The following RALGAPB variants were observed in gnomAD, a reference collection of about 807,000 sequenced individuals.
The protein encoded by RALGAPB is Ral GTPase activating protein non-catalytic subunit beta.
RALGAPB carries 25 observed loss-of-function variants against 161.1 expected under a neutral mutation model. That is an observed-to-expected ratio of 0.16 (90% CI 0.11 to 0.22). RALGAPB has a LOEUF of 0.22. Among genes scored for constraint, RALGAPB ranks in the 10% least tolerant of loss-of-function variants. RALGAPB has a pLI of 1.00. For synonymous variants in RALGAPB, 629 were observed against 626.1 expected, an observed-to-expected ratio of 1.00 and a Z score of -0.07; for missense variants, 1,391 against 1,815.2, an observed-to-expected ratio of 0.77 and a Z score of 4.25.
At position 38,548,744 on chromosome 20, in the gene RALGAPB, T is replaced by C. The variant is rs1339573659; in HGVS notation, c.2958T>C (p.Ala986=). The change falls in exon 20 of 30, where the codon GCT becomes GCC. Residue 986 remains alanine (A), a synonymous_variant. Coordinates refer to ENST00000262879, the MANE Select transcript of RALGAPB (RefSeq NM_020336.4). ...TCCGGGGAATGTCTGGAAGACTTGC[T>C]TGGGCACAACAGCTTTGTCTTTTAC... ...VLVRGMSGRL[A]WAQQLCLLPR... is the part of the protein sequence containing the mutation. 29 of 1,613,968 alleles carry C rather than the reference T, an allele frequency of 1.8e-5. No homozygotes were observed. In the Admixed American group the frequency reaches 4.8e-4, roughly 27 times the overall value.
At chr20:38,477,518 CTTTTTTGCCAGCTTTAT>C (rs1195000375) in intron 1 of RALGAPB, among the ~76,000 whole-genome samples, 1 of 152,030 alleles carries the variant, frequency 6.6e-6, no homozygotes, top group Non-Finnish European at 1.5e-5. Context: ...GAATACCTTC[CTTTTTTGCCAGCTTTAT>C]TGATGTTTGC....
intron 1 of RALGAPB, among the ~76,000 whole-genome samples, chr20:38,475,817 A>G (rs1271119233): frequency 6.6e-6 from 1 of 152,048 alleles, no homozygotes; most frequent in Non-Finnish European, 1.5e-5. Flanking sequence ...GGGTTTCGCC[A>G]TGTTGGCCAG....
intron 7 of RALGAPB, among the ~76,000 whole-genome samples, chr20:38,516,804 C>T (rs750682201): frequency 2.0e-5 from 3 of 152,102 alleles, no homozygotes; most frequent in Non-Finnish European, 4.4e-5. Context: ...CATTAAAAAG[C>T]AAATTATACC....
At chr20:38,477,200 G>C (rs2084828269) in intron 1 of RALGAPB, among the ~76,000 whole-genome samples, 1 of 152,172 alleles carries the variant, frequency 6.6e-6, no homozygotes, top group Non-Finnish European at 1.5e-5. Context: ...CCAAGGAAGT[G>C]ATGTTTGACT....
intron 7 of RALGAPB, 67 bp from the exon 8 acceptor site, chr20:38,517,439 G>T (rs1043566688): frequency 1.4e-6 from 2 of 1,470,410 alleles, no homozygotes; most frequent in Non-Finnish European, 1.8e-6. Flanking sequence ...GTTACTGGGA[G>T]AAATTTTCTG....
intron 1 of RALGAPB, among the ~76,000 whole-genome samples, chr20:38,480,971 C>T (rs1317904334): frequency 6.6e-6 from 1 of 150,654 alleles, no homozygotes; most frequent in African/African-American, 2.4e-5. Flanking sequence ...CTCCTGACCT[C>T]GTGATCTGCC....
chr20:38,576,888 C>G lies in RALGAPB; in HGVS notation c.*1921C>G, dbSNP rs2088459059. On this transcript the variant is annotated 3_prime_UTR_variant, in exon 30 of 30. Coordinates refer to ENST00000262879, the MANE Select transcript of RALGAPB (RefSeq NM_020336.4). ...GCAGATGTACTTCTTCAGTGTGATTCTTCAGATCAAACTTTTACTTTTGGC... is the reference window on the plus strand; with the variant it reads ...GCAGATGTACTTCTTCAGTGTGATTGTTCAGATCAAACTTTTACTTTTGGC... 6.6e-6 allele frequency: 1 copy of G among 152,598 alleles called. No homozygotes were observed. 9.5% of individuals were successfully genotyped at this position (152,598 alleles called of 1,614,324 possible). A position where few individuals can be genotyped will look rare whatever the true frequency, so the allele number is the denominator to read the frequency against.
intron 16 of RALGAPB, 32 bp downstream of exon 16, chr20:38,535,239 A>C (rs116871127): frequency 6.2e-7 from 1 of 1,611,714 alleles, no homozygotes; most frequent in South Asian, 1.1e-5. Flanking sequence ...TTTTAACCCA[A>C]CAGCCTTGGG....
intron 9 of RALGAPB, among the ~76,000 whole-genome samples, chr20:38,519,170 A>T (rs780952760): frequency 3.9e-5 from 6 of 152,148 alleles, no homozygotes; most frequent in African/African-American, 7.2e-5. Flanking sequence ...TCAAATTCAG[A>T]CACTTTATAT....
rs1318082928 is a variant in RALGAPB at position 38,472,843 on chromosome 20, A to G, written c.-257A>G. 3 of 398,922 alleles carry G rather than the reference A, an allele frequency of 7.5e-6. No individual in the cohort carries two copies. Among genetic ancestry groups the G allele is most frequent in the Non-Finnish European group, 8.8e-6 (2 of 226,064 alleles). 24.7% of individuals were successfully genotyped at this position (398,922 alleles called of 1,614,324 possible). A position where few individuals can be genotyped will look rare whatever the true frequency, so the allele number is the denominator to read the frequency against. ...GTTATTTGACGCCGCCGCCCCTGGC[A>G]GTCGGAAGTTGCCTGAGCAGATCCC... On this transcript the variant is annotated 5_prime_UTR_variant, in exon 1 of 30. Transcript: ENST00000262879.
Position 38,508,080 on chromosome 20 carries a change from A to C in RALGAPB, c.741-997A>C, listed in dbSNP as rs185171221. Among the ~76,000 whole-genome samples the C allele has an allele frequency of 2.4e-3, 364 of 150,662 alleles. 4 individuals carry two copies. The highest frequency in any genetic ancestry group is 8.6e-3 in the African/African-American group (350 of 40,802). On this transcript the variant is annotated intron_variant, in intron 5 of 29. Transcript: ENST00000262879. ...ATGGCAGAAATTTGCAGTGAGATGA[A>C]TCTTTTAAAAAATTTACATATTGTA...
At chr20:38,569,393 C>T (rs1203314411) in intron 26 of RALGAPB, 1 of 155,702 alleles carries the variant, frequency 6.4e-6, no homozygotes. Context: ...AAGCCCCAAA[C>T]AACTCGTTTT....
intron 13 of RALGAPB, among the ~76,000 whole-genome samples, chr20:38,528,665 G>A (rs897989678): frequency 6.6e-6 from 1 of 151,984 alleles, no homozygotes; most frequent in Non-Finnish European, 1.5e-5. Flanking sequence ...CACTGTGCCT[G>A]GCCCACATTT....
intron 18 of RALGAPB, among the ~76,000 whole-genome samples, chr20:38,544,118 T>C (rs1186954413): frequency 2.6e-5 from 4 of 152,202 alleles, no homozygotes; most frequent in Non-Finnish European, 4.4e-5. Flanking sequence ...TTAAGACATG[T>C]GTACCAAGTT....
chr20:38,512,815 A>G (rs2086000423), intron 6 of RALGAPB, among the ~76,000 whole-genome samples: 1 of 152,158 alleles, frequency 6.6e-6, no homozygotes, highest in African/African-American at 2.4e-5. Context: ...GCTGGAGTGC[A>G]GTGGCGCAAT....
chr20:38,567,736 G>A (rs1277703286), intron 26 of RALGAPB, among the ~76,000 whole-genome samples: 2 of 152,124 alleles, frequency 1.3e-5, no homozygotes, highest in Non-Finnish European at 2.9e-5. Context: ...TACTTTATCT[G>A]TGATCAGGTC....
At chr20:38,484,929 A>G (rs1440809573) in intron 1 of RALGAPB, among the ~76,000 whole-genome samples, 1 of 152,158 alleles carries the variant, frequency 6.6e-6, no homozygotes, top group African/African-American at 2.4e-5. Flanking sequence ...TCCCAACCTC[A>G]GGTGATCCAC....
rs761685356 is a variant in RALGAPB, at chr20:38,574,215, G to A, written c.4208G>A (p.Arg1403Gln). 2.5e-6 allele frequency: 4 copies of A among 1,613,342 alleles called. No homozygotes were observed. Among genetic ancestry groups the A allele is most frequent in the South Asian group, 1.1e-5 (1 of 91,012 alleles). Residue 1403 changes from arginine to glutamine, a missense_variant, in exon 29 of 30, where the codon CGG becomes CAG. Transcript: ENST00000262879. ...CACCCTTTAAACACTGGATTATTCCGGATAAAAATTCAAGGAGCCACTGGA... is the reference window on the plus strand; with the variant it reads ...CACCCTTTAAACACTGGATTATTCCAGATAAAAATTCAAGGAGCCACTGGA... ...FIHPLNTGLF[R>Q]IKIQGATGKF... is the part of the protein sequence containing the mutation.
At chr20:38,540,861 G>A (rs1303327146) in intron 17 of RALGAPB, among the ~76,000 whole-genome samples, 180 bp from the exon 18 acceptor site, 2 of 152,052 alleles carry the variant, frequency 1.3e-5, no homozygotes, top group Non-Finnish European at 1.5e-5. Flanking sequence ...GAGAAATTGG[G>A]GGGAGGGGGT....
Sources: allele counts gnomAD v4.1 joint callset (sites outside exome capture counted in the v4.1 genomes callset), GRCh38; gene constraint gnomAD v4.1.1; transcripts MANE v1.5; gene names NCBI Gene and HGNC (gene_info 2026-07-23, HGNC 2026-07-21).